The following ADAMTS18 variants were observed in gnomAD, a reference collection of about 807,000 sequenced individuals.
The protein encoded by ADAMTS18 is A disintegrin and metalloproteinase with thrombospondin motifs 18.
A neutral mutation model predicts 165.9 loss-of-function variants in ADAMTS18; 157 were observed. That is an observed-to-expected ratio of 0.95 (90% confidence interval 0.83 to 1.08). The LOEUF is 1.08. Among genes scored for constraint, ADAMTS18 ranks in the 50% least tolerant of loss-of-function variants. The pLI is 0.00. For missense variants in ADAMTS18, 2,040 were observed against 1,534.0 expected (o/e 1.33, Z -5.51); for synonymous variants, 782 against 578.2 (o/e 1.35, Z -5.06).
At chr16:77,300,774 A>G (rs192106358) in intron 16 of ADAMTS18, among the ~76,000 whole-genome samples, 3 of 152,206 alleles carry the variant, frequency 2.0e-5, no homozygotes, top group Non-Finnish European at 4.4e-5. Context: ...AAAACCTAGC[A>G]TGGTGAACAC....
At position 77,297,400 on chromosome 16, in the gene ADAMTS18, T is replaced by C. The variant is rs762815250; in HGVS notation, c.2690A>G (p.Lys897Arg). The C allele has an allele frequency of 2.5e-6, 4 of 1,612,904 alleles. No homozygotes were observed. In the South Asian group the frequency reaches 4.4e-5, roughly 18 times the overall value. The change falls in exon 18 of 23, where the codon AAG (lysine) becomes AGG (arginine). Residue 897 changes from lysine (K) to arginine (R), a missense_variant. Lys to Arg is a conservative substitution (Grantham distance 26). Coordinates refer to ENST00000282849, the MANE Select transcript of ADAMTS18 (RefSeq NM_199355.4). ...VSCGGGYINV[K>R]AICLRDQNTQ... ...ATTTTGATCTCGCAAGCAAATGGCC[T>C]TTACATTTATGTAACCTGGTAAGAC...
At chr16:77,391,501 A>T (rs1485559155) in intron 3 of ADAMTS18, among the ~76,000 whole-genome samples, 2 of 152,032 alleles carry the variant, frequency 1.3e-5, no homozygotes, top group Non-Finnish European at 2.9e-5. Context: ...CAAAAAAAAA[A>T]AAAACAAGAG....
intron 22 of ADAMTS18, among the ~76,000 whole-genome samples, chr16:77,285,618 AAGTC>A (rs2055234948): frequency 6.6e-6 from 1 of 152,192 alleles, no homozygotes; most frequent in African/African-American, 2.4e-5. Flanking sequence ...TCATGTAAGT[AAGTC>A]AGGCAGGAGA....
chr16:77,289,543 C>T, intron 21 of ADAMTS18, 132 bp from the exon 22 acceptor site: 1 of 1,012,872 alleles, frequency 9.9e-7, no homozygotes, highest in South Asian at 1.4e-5. Flanking sequence ...GAGCCAGGCA[C>T]ATGTGCTTAC....
intron 4 of ADAMTS18, among the ~76,000 whole-genome samples, chr16:77,364,787 C>A (rs541668423): frequency 1.5e-5 from 2 of 135,738 alleles, no homozygotes; most frequent in East Asian, 2.0e-4. Flanking sequence ...GAAAGCAAAG[C>A]AAAGCAAAGG....
chr16:77,430,630 A>C (rs1426456545), intron 3 of ADAMTS18, among the ~76,000 whole-genome samples: 4 of 152,226 alleles, frequency 2.6e-5, no homozygotes, highest in African/African-American at 9.6e-5. Context: ...ATTTGATTGA[A>C]TCCTGAGAAG....
intron 2 of ADAMTS18, among the ~76,000 whole-genome samples, chr16:77,433,927 G>T (rs1339657766): frequency 6.6e-6 from 1 of 151,802 alleles, no homozygotes; most frequent in East Asian, 1.9e-4. Context: ...AGCAGCCTTA[G>T]ACATCCGTAA....
intron 9 of ADAMTS18, 21 bp downstream of exon 9, chr16:77,355,919 C>T: frequency 1.2e-6 from 2 of 1,613,792 alleles, no homozygotes; most frequent in Non-Finnish European, 1.7e-6. Context: ...TAGGAGCACC[C>T]CAGGATTTAA....
intron 3 of ADAMTS18, among the ~76,000 whole-genome samples, chr16:77,377,311 A>G (rs907313593): frequency 2.0e-5 from 3 of 152,212 alleles, no homozygotes; most frequent in African/African-American, 7.2e-5. Flanking sequence ...TGAGTGCACA[A>G]TTAATTTTTA....
At chr16:77,308,984 C>G (rs2055731370) in intron 16 of ADAMTS18, among the ~76,000 whole-genome samples, 1 of 152,106 alleles carries the variant, frequency 6.6e-6, no homozygotes, top group South Asian at 2.1e-4. Flanking sequence ...TACATAATAT[C>G]CTAAACTCTA....
chr16:77,321,002 A>G, intron 15 of ADAMTS18, 77 bp downstream of exon 15: 1 of 1,581,302 alleles, frequency 6.3e-7, no homozygotes. Flanking sequence ...AGGCTCAACC[A>G]CATTTGGCGT....
intron 12 of ADAMTS18, among the ~76,000 whole-genome samples, chr16:77,335,323 A>C (rs534434024): frequency 1.3e-5 from 2 of 151,472 alleles, no homozygotes; most frequent in African/African-American, 4.8e-5. Flanking sequence ...GAGTGCATTG[A>C]CAGAGCTGGG....
At chr16:77,332,947 C>A (rs1333044921) in intron 12 of ADAMTS18, among the ~76,000 whole-genome samples, 1 of 152,190 alleles carries the variant, frequency 6.6e-6, no homozygotes, top group Non-Finnish European at 1.5e-5. Context: ...GCAGATCTGT[C>A]AACACGTGTT....
At chr16:77,288,524 C>A (rs896517736) in intron 22 of ADAMTS18, among the ~76,000 whole-genome samples, 2 of 152,108 alleles carry the variant, frequency 1.3e-5, no homozygotes, top group Non-Finnish European at 2.9e-5. Context: ...TCAGACTTTC[C>A]ATTTTCCTAT....
chr16:77,417,372 G>C (rs117378424), intron 3 of ADAMTS18, among the ~76,000 whole-genome samples: 3,058 of 152,220 alleles, frequency 0.02, 51 homozygotes, highest in Middle Eastern at 0.031. Context: ...TTAGTTACTG[G>C]CAGCTAGAAA....
chr16:77,379,331 C>G (rs970862791), intron 3 of ADAMTS18, among the ~76,000 whole-genome samples: 2 of 151,774 alleles, frequency 1.3e-5, no homozygotes, highest in Non-Finnish European at 3.0e-5. Flanking sequence ...GTTTGGCTAG[C>G]ATCATGGGGA....
intron 17 of ADAMTS18, among the ~76,000 whole-genome samples, chr16:77,298,706 G>C (rs541466758): frequency 2.0e-5 from 3 of 152,314 alleles, no homozygotes; most frequent in African/African-American, 7.2e-5. Flanking sequence ...GTAGGAGGAT[G>C]GCTTGAGCCC....
At chr16:77,300,154 A>G (rs1268162244) in intron 17 of ADAMTS18, 109 bp downstream of exon 17, 1 of 1,315,754 alleles carries the variant, frequency 7.6e-7, no homozygotes. Context: ...CTCATAAAAG[A>G]CAGTTCTTGG....
intron 3 of ADAMTS18, among the ~76,000 whole-genome samples, chr16:77,414,679 T>C (rs1399584562): frequency 6.6e-6 from 1 of 152,170 alleles, no homozygotes; most frequent in East Asian, 1.9e-4. Flanking sequence ...AACAAACTTC[T>C]GTTGTCATTA....
Sources: allele counts gnomAD v4.1 joint callset (sites outside exome capture counted in the v4.1 genomes callset), GRCh38; gene constraint gnomAD v4.1.1; transcripts MANE v1.5; gene names NCBI Gene and HGNC (gene_info 2026-07-23, HGNC 2026-07-21).